MAPT: variants seen among roughly 807,000 people sequenced by gnomAD.
MAPT encodes microtubule associated protein tau.
A neutral mutation model predicts 67.9 loss-of-function variants in MAPT; 34 were observed. The observed-to-expected ratio is 0.50, with a 90% CI of 0.38 to 0.67. MAPT has a LOEUF of 0.67. Among genes scored for constraint, MAPT ranks in the 30% least tolerant of loss-of-function variants. The pLI, the probability that MAPT is intolerant of heterozygous loss-of-function variation, is 0.00. For missense variants in MAPT, 881 were observed against 1,115.2 expected, an observed-to-expected ratio of 0.79 and a Z score of 2.99; for synonymous variants, 456 against 464.5, an observed-to-expected ratio of 0.98 and a Z score of 0.23.
At chr17:45,911,783 A>C (rs1038480841) in intron 1 of MAPT, among the ~76,000 whole-genome samples, 1 of 146,372 alleles carries the variant, frequency 6.8e-6, no homozygotes, top group Non-Finnish European at 1.6e-5. Context: ...AACAAACAAC[A>C]AAAAAAAAGG....
intron 1 of MAPT, among the ~76,000 whole-genome samples, chr17:45,926,008 C>T (rs993996322): frequency 1.3e-5 from 2 of 151,916 alleles, no homozygotes; most frequent in African/African-American, 4.8e-5. Flanking sequence ...CCCAGGAGTT[C>T]GAGACCAGCC....
At chr17:46,023,207 A>G (rs571324068) in intron 12 of MAPT, among the ~76,000 whole-genome samples, 3 of 152,316 alleles carry the variant, frequency 2.0e-5, no homozygotes, top group African/African-American at 7.2e-5. Context: ...TAAGAGCTTC[A>G]CTTCTAGGAC....
chr17:45,907,263 C>T (rs1046584298), intron 1 of MAPT, among the ~76,000 whole-genome samples: 1 of 152,204 alleles, frequency 6.6e-6, no homozygotes, highest in Non-Finnish European at 1.5e-5. Context: ...TCTCCCTGCC[C>T]CACCCCCTAT....
At chr17:45,944,097 T>C (rs62062774) in intron 1 of MAPT, among the ~76,000 whole-genome samples, 21,823 of 152,240 alleles carry the variant, frequency 0.14, 2,140 homozygotes, top group Non-Finnish European at 0.22. Context: ...CAGTCCAGAA[T>C]ATGACTGCTT....
At chr17:45,913,950 G>T (rs989585525) in intron 1 of MAPT, among the ~76,000 whole-genome samples, 6 of 152,052 alleles carry the variant, frequency 3.9e-5, no homozygotes, top group African/African-American at 1.4e-4. Flanking sequence ...AAGGAGCCTG[G>T]ATCAACTGGA....
chr17:45,903,919 TTA>T lies in MAPT; in HGVS notation c.-18+9241_-18+9242del, dbSNP rs1444514575. Among the ~76,000 whole-genome samples the T allele has an allele frequency of 2.0e-4, 4 of 20,140 alleles. 1 individual carries two copies. The highest frequency in any genetic ancestry group is 2.4e-4 in the African/African-American group (1 of 4,242). 13.2% of individuals were successfully genotyped at this position (20,140 alleles called of 152,430 possible). On this transcript the variant is annotated intron_variant, in intron 1 of 12. Transcript: ENST00000262410. ...TTATATATATTTATATATTATATAT[TTA>T]TATATATTATATATTTATATATAAT...
At chr17:45,909,233 G>A (rs1024215758) in intron 1 of MAPT, among the ~76,000 whole-genome samples, 3 of 151,834 alleles carry the variant, frequency 2.0e-5, no homozygotes, top group Admixed American at 6.5e-5. Flanking sequence ...TGTGCCCTGG[G>A]CTGCCCAATG....
intron 1 of MAPT, among the ~76,000 whole-genome samples, chr17:45,921,909 G>T (rs2065765751): frequency 6.6e-6 from 1 of 152,086 alleles, no homozygotes; most frequent in South Asian, 2.1e-4. Flanking sequence ...CCTTAGCGAA[G>T]TTCAAAGCAC....
intron 2 of MAPT, among the ~76,000 whole-genome samples, chr17:45,965,228 G>A (rs555207719): frequency 3.9e-5 from 6 of 151,934 alleles, no homozygotes; most frequent in African/African-American, 4.8e-5. Flanking sequence ...TCAGGAGTTC[G>A]AGACCAGCCT....
At chr17:46,007,587 C>T (rs1193957890) in intron 9 of MAPT, among the ~76,000 whole-genome samples, 2 of 151,882 alleles carry the variant, frequency 1.3e-5, no homozygotes, top group Non-Finnish European at 2.9e-5. Context: ...GGTAAAGGAG[C>T]GATTTCAGTC....
chr17:45,993,469 A>C (rs1289900363), intron 8 of MAPT, among the ~76,000 whole-genome samples: 1 of 152,136 alleles, frequency 6.6e-6, no homozygotes, highest in Non-Finnish European at 1.5e-5. Context: ...GCTGAAGTGC[A>C]GTGGCACAAT....
intron 1 of MAPT, among the ~76,000 whole-genome samples, chr17:45,934,698 G>A (rs972122011): frequency 6.6e-6 from 1 of 152,236 alleles, no homozygotes; most frequent in Non-Finnish European, 1.5e-5. Context: ...TGCTGTCTGA[G>A]ATGGTGGTGC....
intron 2 of MAPT, among the ~76,000 whole-genome samples, chr17:45,963,772 G>A (rs1386316096): frequency 6.6e-6 from 1 of 152,142 alleles, no homozygotes; most frequent in Admixed American, 6.5e-5. Context: ...CCCTGAGTGT[G>A]GGAAGCTGGG....
rs2146018357 is a variant in MAPT at position 46,010,288 on chromosome 17, T to C, written c.1999-22T>C. The C allele has an allele frequency of 6.5e-7, 1 of 1,526,740 alleles. No individual in the cohort carries two copies. Among genetic ancestry groups the C allele is most frequent in the Non-Finnish European group, 8.9e-7 (1 of 1,123,250 alleles). 94.6% of individuals were successfully genotyped at this position (1,526,740 alleles called of 1,614,324 possible). On this transcript the variant is annotated intron_variant, in intron 9 of 12. Coordinates refer to ENST00000262410, the MANE Select transcript of MAPT (RefSeq NM_001377265.1). The surrounding 1 kb of genome is among the most constrained non-coding windows in gnomAD (Gnocchi z 4.7). ...CGGGTCCAGGGTGGCGTGTCACTCA[T>C]CCTTTTTTCTGGCTACCAAAGGTGC...
intron 1 of MAPT, among the ~76,000 whole-genome samples, chr17:45,919,064 TAAAA>T (rs80344216): frequency 9.6e-6 from 1 of 104,182 alleles, no homozygotes. Context: ...TCTGTCTCAA[TAAAA>T]AAAAAAAAAA....
At position 45,978,465 on chromosome 17, in the gene MAPT, A is replaced by G. The variant is rs763310866; in HGVS notation, c.286+25A>G. On this transcript the variant is annotated intron_variant, in intron 4 of 12. Coordinates refer to ENST00000262410, the MANE Select transcript of MAPT (RefSeq NM_001377265.1). ...GGTCAGTGAACTGGAATTGCCTGCCATGACTTGGGGGTTGGGGGGAGGGAC... is the reference window on the plus strand; with the variant it reads ...GGTCAGTGAACTGGAATTGCCTGCCGTGACTTGGGGGTTGGGGGGAGGGAC... The G allele has an allele frequency of 1.0e-5, 9 of 883,968 alleles. No individual in the cohort carries two copies. The African/African-American group carries it at 1.0e-4, about 10-fold the overall frequency. 54.8% of individuals were successfully genotyped at this position (883,968 alleles called of 1,614,324 possible).
chr17:46,006,208 A>G (rs2075397530), intron 9 of MAPT, among the ~76,000 whole-genome samples: 1 of 152,230 alleles, frequency 6.6e-6, no homozygotes, highest in South Asian at 2.1e-4. Context: ...CAACAGACAA[A>G]TGGATAAAGA....
At position 45,903,973 on chromosome 17, in the gene MAPT, T is replaced by A. The variant is rs937924142; in HGVS notation, c.-18+9287T>A. The stretch of plus-strand genomic sequence containing the variant: ...TATATTATATATTATATATTATATA[T>A]TATATATTATATATTTATATATATT... On this transcript the variant is annotated intron_variant, in intron 1 of 12. Coordinates refer to ENST00000262410, the MANE Select transcript of MAPT (RefSeq NM_001377265.1). Among the ~76,000 whole-genome samples, 39 of 16,226 alleles carry A rather than the reference T, an allele frequency of 2.4e-3. 1 individual carries two copies. Among genetic ancestry groups the A allele is most frequent in the African/African-American group, 6.6e-3 (38 of 5,732 alleles). 10.6% of individuals were successfully genotyped at this position (16,226 alleles called of 152,430 possible).
intron 1 of MAPT, among the ~76,000 whole-genome samples, chr17:45,918,429 G>T (rs1027102824): frequency 1.3e-5 from 2 of 152,198 alleles, no homozygotes; most frequent in African/African-American, 4.8e-5. Flanking sequence ...GTGTGACCTT[G>T]GGTAAGTAGC....
Sources: allele counts gnomAD v4.1 joint callset (sites outside exome capture counted in the v4.1 genomes callset), GRCh38; gene constraint gnomAD v4.1.1; non-coding constraint Gnocchi (gnomAD v3.1); transcripts MANE v1.5; gene names NCBI Gene and HGNC (gene_info 2026-07-23, HGNC 2026-07-21).